The following LIPA variants were observed in gnomAD, a reference collection of about 807,000 sequenced individuals.
LIPA encodes lipase A, lysosomal acid type, also known as lysosomal acid lipase/cholesteryl ester hydrolase.
Under a neutral mutation model 40.6 loss-of-function variants are expected in LIPA, and 26 were observed. The observed-to-expected ratio is 0.64, with a 90% CI of 0.47 to 0.89. The LOEUF (loss-of-function observed/expected upper bound fraction) is 0.89. Among genes scored for constraint, LIPA ranks in the 40% least tolerant of loss-of-function variants. The pLI is 0.00. For synonymous variants in LIPA, 188 were observed against 168.4 expected, an observed-to-expected ratio of 1.12 and a Z score of -0.90; for missense variants, 455 against 479.6, an observed-to-expected ratio of 0.95 and a Z score of 0.48.
intron 2 of LIPA, chr10:89,402,255 AAG>A: frequency 6.7e-7 from 1 of 1,498,948 alleles, no homozygotes; most frequent in East Asian, 2.3e-5. Context: ...TCACCTAACA[AAG>A]AAAATCTGTT....
chr10:89,368,988 G>A (rs985335340), intron 2 of LIPA, among the ~76,000 whole-genome samples: 3 of 151,556 alleles, frequency 2.0e-5, no homozygotes, highest in Non-Finnish European at 4.4e-5. Flanking sequence ...TGCTCTCCCT[G>A]GCTCTGGAAC....
At chr10:89,367,148 G>A (rs1345644373) in intron 2 of LIPA, among the ~76,000 whole-genome samples, 1 of 145,246 alleles carries the variant, frequency 6.9e-6, no homozygotes, top group Non-Finnish European at 1.5e-5. Context: ...ACACAGAAAA[G>A]GGAACATCAC....
intron 1 of LIPA, among the ~76,000 whole-genome samples, chr10:89,303,794 A>G (rs951805976): frequency 2.6e-5 from 4 of 152,242 alleles, no homozygotes; most frequent in Non-Finnish European, 5.9e-5. Context: ...CCCAAACTCA[A>G]CTGGAAGTTG....
At chr10:89,392,029 T>C (rs1233585862) in intron 2 of LIPA, among the ~76,000 whole-genome samples, 2 of 152,128 alleles carry the variant, frequency 1.3e-5, no homozygotes, top group Non-Finnish European at 2.9e-5. Flanking sequence ...AAACCATACC[T>C]CCTTGCTTTT....
At position 89,248,732 on chromosome 10, in the gene LIPA, G is replaced by A. The variant is rs904728220; in HGVS notation, c.-1-1083C>T. ...TCTCCTAACCTCGTGATCACGCCTC[G>A]GCCTCCCAAAGTGCTGGGATGACAG... On this transcript the variant is annotated intron_variant, in intron 1 of 9. Transcript: ENST00000336233. Among the ~76,000 whole-genome samples, 10 of 150,630 alleles carry A rather than the reference G, an allele frequency of 6.6e-5. No individual in the cohort carries two copies. In the East Asian group the frequency reaches 7.8e-4, roughly 12 times the overall value.
At chr10:89,245,854 A>C in intron 2 of LIPA, 61 bp from the exon 3 acceptor site, 1 of 857,930 alleles carries the variant, frequency 1.2e-6, no homozygotes, top group Non-Finnish European at 2.0e-6. Context: ...CTCCCACATT[A>C]ACAAGCAAAG....
intron 2 of LIPA, among the ~76,000 whole-genome samples, chr10:89,377,787 T>C (rs886104549): frequency 1.3e-5 from 2 of 152,196 alleles, no homozygotes; most frequent in Non-Finnish European, 2.9e-5. Flanking sequence ...CACTGGTTTT[T>C]CCACAACACT....
At chr10:89,320,237 G>T (rs900350168) in intron 1 of LIPA, among the ~76,000 whole-genome samples, 34 of 152,172 alleles carry the variant, frequency 2.2e-4, no homozygotes, top group African/African-American at 8.0e-4. Context: ...GCAGGAGAAA[G>T]AAATAAAGGG....
intron 2 of LIPA, among the ~76,000 whole-genome samples, chr10:89,375,991 A>G (rs1311000377): frequency 3.9e-5 from 6 of 152,108 alleles, no homozygotes; most frequent in African/African-American, 1.4e-4. Context: ...GTTCGAAACC[A>G]GGATGGCCAA....
At chr10:89,232,467 G>C (rs754782784) in intron 3 of LIPA, among the ~76,000 whole-genome samples, 2 of 152,170 alleles carry the variant, frequency 1.3e-5, no homozygotes, top group Non-Finnish European at 2.9e-5. Flanking sequence ...AGGAAGGCTC[G>C]GTAGGTGGCC....
Position 89,287,493 on chromosome 10 carries a change from A to C in LIPA, c.-1-39844T>G, listed in dbSNP as rs146994815. Among the ~76,000 whole-genome samples the C allele has an allele frequency of 4.7e-3, 711 of 152,084 alleles. 5 individuals carry two copies. The highest frequency in any genetic ancestry group is 0.016 in the African/African-American group (679 of 41,470). On this transcript the variant is annotated intron_variant, in intron 1 of 5. Transcript: ENST00000282673. ...AACCAAATTATCTGCTTCCCTGACT[A>C]TTCCTAAACTACAGCCACATCTCAT...
intron 1 of LIPA, among the ~76,000 whole-genome samples, chr10:89,276,317 T>C (rs1459861192): frequency 1.3e-5 from 2 of 152,246 alleles, no homozygotes; most frequent in African/African-American, 4.8e-5. Context: ...AGTGTGATTG[T>C]AGTTACAGCC....
At chr10:89,294,905 G>C (rs1246679722) in intron 1 of LIPA, among the ~76,000 whole-genome samples, 2 of 151,922 alleles carry the variant, frequency 1.3e-5, no homozygotes, top group South Asian at 2.1e-4. Flanking sequence ...GCCTGGGAGG[G>C]AGGTCAAGGC....
chr10:89,387,317 C>CA (rs565296927), intron 2 of LIPA, among the ~76,000 whole-genome samples: 3,125 of 83,446 alleles, frequency 0.037, 77 homozygotes, highest in African/African-American at 0.075. Context: ...GACTCCGTCT[C>CA]AAAAAAAAAA....
chr10:89,262,241 C>A (rs1843214537), intron 1 of LIPA, among the ~76,000 whole-genome samples: 1 of 151,974 alleles, frequency 6.6e-6, no homozygotes. Flanking sequence ...AAAAAAAAAT[C>A]AGCATATACC....
intron 2 of LIPA, among the ~76,000 whole-genome samples, chr10:89,361,712 A>G (rs535804142): frequency 2.6e-5 from 4 of 152,224 alleles, no homozygotes; most frequent in African/African-American, 9.6e-5. Flanking sequence ...TTTTTAACTA[A>G]GGCTTCACAG....
At chr10:89,392,464 AT>A (rs1428206812) in intron 2 of LIPA, 1 of 314,744 alleles carries the variant, frequency 3.2e-6, no homozygotes, top group Admixed American at 4.7e-5. Context: ...ACAAAGTTTC[AT>A]TCCCCACCCC....
rs1844123246 is a variant in LIPA, at chr10:89,376,545, G to C, written c.61+36246C>G. 2.0e-5 allele frequency among the ~76,000 whole-genome samples: 3 copies of C among 152,184 alleles called. No individual in the cohort carries two copies. The South Asian group carries it at 6.2e-4, about 32-fold the overall frequency. On this transcript the variant is annotated intron_variant, in intron 2 of 8. Transcript: ENST00000371837. ...AAGTTCCCTGAAAAGAAAGAGAAGAGCTGCCCCAGACATCTGAGAGCATCA... is the reference window on the plus strand; with the variant it reads ...AAGTTCCCTGAAAAGAAAGAGAAGACCTGCCCCAGACATCTGAGAGCATCA...
chr10:89,397,833 C>T (rs993735928), intron 2 of LIPA, among the ~76,000 whole-genome samples: 1 of 152,168 alleles, frequency 6.6e-6, no homozygotes, highest in Admixed American at 6.5e-5. Flanking sequence ...ACATTTTCCA[C>T]GTTTTTGTTA....
Sources: allele counts gnomAD v4.1 joint callset (sites outside exome capture counted in the v4.1 genomes callset), GRCh38; gene constraint gnomAD v4.1.1; transcripts MANE v1.5; gene names NCBI Gene and HGNC (gene_info 2026-07-23, HGNC 2026-07-21).